The following APOB variants were observed in gnomAD, a reference collection of about 807,000 sequenced individuals.
APOB encodes apolipoprotein B, also known as apolipoprotein B-100.
Under a neutral mutation model 314.1 loss-of-function variants are expected in APOB, and 153 were observed. The observed-to-expected ratio is 0.49, with a 90% CI of 0.43 to 0.56. The LOEUF is 0.56. APOB is among the 20% of genes least tolerant of loss of function. The probability of loss-of-function intolerance (pLI) is 0.00; values close to 1 mark genes in which losing one functional copy is unlikely to be tolerated. For synonymous variants in APOB, 2,087 were observed against 2,036.4 expected, an observed-to-expected ratio of 1.02 and a Z score of -0.67; for missense variants, 5,430 against 5,350.7, an observed-to-expected ratio of 1.01 and a Z score of -0.46.
rs1468878402 is a variant in APOB, at chr2:21,006,415, T to C, written c.10453A>G (p.Ser3485Gly). ...GAVDHKLSLESLTSYFSIESS... is the reference protein window; with the variant it reads ...GAVDHKLSLEGLTSYFSIESS... ...TCAATGGAAAAGTAAGAGGTGAGGC[T>C]TTCCAAGCTAAGCTTGTGGTCAACT... The change falls in exon 26 of 29, where the codon AGC becomes GGC. Residue 3485 changes from serine (S) to glycine (G), a missense_variant. Ser to Gly is a moderately conservative substitution (Grantham distance 56, BLOSUM62 0). This residue lies in a region of APOB where 3,281 missense variants were observed against 3,171.0 expected (regional missense o/e 1.03). Transcript: ENST00000233242. The C allele has an allele frequency of 6.2e-7, 1 of 1,613,940 alleles. No homozygotes were observed. The highest frequency in any genetic ancestry group is 8.5e-7 in the Non-Finnish European group (1 of 1,179,982).
intron 14 of APOB, among the ~76,000 whole-genome samples, chr2:21,027,387 C>T (rs1038853317): frequency 1.4e-5 from 2 of 144,948 alleles, no homozygotes; most frequent in African/African-American, 5.1e-5. Context: ...TCTCTCGGCT[C>T]ACTGCAAGCT....
intron 18 of APOB, 41 bp from the exon 19 acceptor site, chr2:21,019,946 G>T: frequency 6.3e-7 from 1 of 1,595,982 alleles, no homozygotes. Context: ...GCCAAGTCAT[G>T]AATCAAAATG....
Position 21,008,448 on chromosome 2 carries a change from T to C in APOB, c.8420A>G (p.Asp2807Gly). The change falls in exon 26 of 29, where the codon GAT becomes GGT. Residue 2807 changes from aspartate (D) to glycine (G), a missense_variant. Asp to Gly is a moderately conservative substitution (Grantham distance 94). Around this residue, in one of 3 missense-constraint regions of APOB, gnomAD observed 3,281 missense variants for 3,171.0 expected, o/e 1.03. Coordinates refer to ENST00000233242, the MANE Select transcript of APOB (RefSeq NM_000384.3). ...GESKLEVLNF[D>G]FQANAQLSNP... The stretch of plus-strand genomic sequence containing the variant: ...TGAGAGTTGTGCATTTGCTTGAAAA[T>C]CAAAATTGAGAACTTCTAATTTGGA... 1 of 1,614,114 alleles carries C rather than the reference T, an allele frequency of 6.2e-7. No individual in the cohort carries two copies.
rs200281277 is a variant in APOB at position 21,016,570 on chromosome 2, C to T, written c.3201G>A (p.Pro1067=). 3.0e-5 allele frequency: 48 copies of T among 1,611,300 alleles called. No individual in the cohort carries two copies. The East Asian group carries it at 7.4e-4, about 25-fold the overall frequency. Residue 1067 remains proline, a synonymous_variant, in exon 21 of 29, where the codon CCG becomes CCA. Transcript: ENST00000233242. ...SMTLSSEVQI[P]DFDVDLGTIL... ...TTGTTCCGAGGTCAACATCAAAATC[C>T]GGAATTTGGACTTCACTGGACAAGG...
Position 21,019,717 on chromosome 2 carries a change from T to A in APOB, c.2999+6A>T, listed in dbSNP as rs1334236104. The A allele has an allele frequency of 1.2e-6, 2 of 1,613,976 alleles. No individual in the cohort carries two copies. Among genetic ancestry groups the A allele is most frequent in the Admixed American group, 3.3e-5 (2 of 60,016 alleles). Reference sequence around the variant, plus strand: ...AATGCTGGGTCAGGCACTGAGCATCTCTAACCTGGTGTCCCCGGTCAGCGG... The same window carrying A: ...AATGCTGGGTCAGGCACTGAGCATCACTAACCTGGTGTCCCCGGTCAGCGG... On this transcript the variant is annotated splice_donor_region_variant and intron_variant, in intron 19 of 28. Coordinates refer to ENST00000233242, the MANE Select transcript of APOB (RefSeq NM_000384.3).
rs1662974869 is a variant in APOB, at chr2:21,001,470, C to T, written c.*260G>A. ...GACTCCATTTATTTGTTCCTCCTCCCCCAAGTTTAGCAAAATAACTCAGAT... is the reference window on the plus strand; with the variant it reads ...GACTCCATTTATTTGTTCCTCCTCCTCCAAGTTTAGCAAAATAACTCAGAT... On this transcript the variant is annotated 3_prime_UTR_variant, in exon 29 of 29. Coordinates refer to ENST00000233242, the MANE Select transcript of APOB (RefSeq NM_000384.3). 1 of 451,534 alleles carries T rather than the reference C, an allele frequency of 2.2e-6. No individual in the cohort carries two copies. Among genetic ancestry groups the T allele is most frequent in the East Asian group, 4.2e-5 (1 of 24,046 alleles). The allele number at this position is 451,534 out of a possible 1,614,324, so 28.0% of individuals were successfully genotyped here. A position where few individuals can be genotyped will look rare whatever the true frequency, so the allele number is the denominator to read the frequency against.
At position 21,038,030 on chromosome 2, in the gene APOB, G is replaced by A. The variant is rs1195121842; in HGVS notation, c.465C>T (p.Asn155=). Residue 155 remains asparagine (N), a synonymous_variant, in exon 5 of 29, where the codon AAC becomes AAT. Transcript: ENST00000233242. ...GGGCAGAAATGATGCCCCTCTTGAT[G>A]TTCAGGATGTAAGTAGGTTCATCTT... ...PEKDEPTYIL[N]IKRGIISALL... 1 of 1,614,100 alleles carries A rather than the reference G, an allele frequency of 6.2e-7. No homozygotes were observed. Among genetic ancestry groups the A allele is most frequent in the African/African-American group, 1.3e-5 (1 of 74,926 alleles).
At position 21,013,159 on chromosome 2, in the gene APOB, C is replaced by T. The variant is rs1174253373; in HGVS notation, c.4216+1G>A. ...GCACCCTTTACCTGAGCATAGCTCA[C>T]CTTGCACATTGTAGGAAAGCAGGTC... On this transcript the variant is annotated splice_donor_variant, in intron 25 of 28. Transcript: ENST00000233242. LOFTEE classifies it high-confidence loss of function. 1 of 1,613,666 alleles carries T rather than the reference C, an allele frequency of 6.2e-7. No homozygotes were observed. Among genetic ancestry groups the T allele is most frequent in the Non-Finnish European group, 8.5e-7 (1 of 1,179,940 alleles).
chr2:21,013,243 G>T lies in APOB; in HGVS notation c.4133C>A (p.Thr1378Asn), dbSNP rs566501266. The T allele has an allele frequency of 6.2e-7, 1 of 1,614,200 alleles. No homozygotes were observed. The highest frequency in any genetic ancestry group is 1.3e-5 in the African/African-American group (1 of 75,056). The change falls in exon 25 of 29, where the codon ACC (threonine) becomes AAC (asparagine). Residue 1378 changes from threonine (T) to asparagine (N), a missense_variant. Around this residue, in one of 3 missense-constraint regions of APOB, gnomAD observed 2,085 missense variants for 2,079.7 expected, o/e 1.00. Coordinates refer to ENST00000233242, the MANE Select transcript of APOB (RefSeq NM_000384.3). ...NWSASYSGGNTSTDHFSLRAR... is the reference protein window; with the variant it reads ...NWSASYSGGNNSTDHFSLRAR... ...CCGAAGGCTGAAATGGTCTGTGCTG[G>T]TGTTGCCACCACTGTAGGAGGCGGA...
rs1307411368 is a variant in APOB, at chr2:21,007,572, T to C, written c.9296A>G (p.Asn3099Ser). ...GTTGTTTCCAGCAGAGAAATTTTGG[T>C]TGTACTTATACTGATTGAACCTAGC... is the stretch of plus-strand genomic sequence containing the variant. ...VSARFNQYKY[N>S]QNFSAGNNEN... The change falls in exon 26 of 29, where the codon AAC (asparagine) becomes AGC (serine). Residue 3099 changes from asparagine to serine, a missense_variant. By Grantham distance (46) the Asn-to-Ser change is conservative (BLOSUM62 1). Transcript: ENST00000233242. 5 of 1,613,986 alleles carry C rather than the reference T, an allele frequency of 3.1e-6. No individual in the cohort carries two copies. In the East Asian group the frequency reaches 1.1e-4, roughly 36 times the overall value.
chr2:21,008,675 A>G lies in APOB; in HGVS notation c.8193T>C (p.Phe2731=). 6.2e-7 allele frequency: 1 copy of G among 1,614,122 alleles called. No homozygotes were observed. Among genetic ancestry groups the G allele is most frequent in the African/African-American group, 1.3e-5 (1 of 75,024 alleles). ...FIIPTLNLND[F]QVPDLHIPEF... is the part of the protein sequence containing the mutation. ...CTGGTATGTGAAGGTCAGGAACTTG[A>G]AAATCATTAAGGTTGAGAGTTGGGA... is the stretch of plus-strand genomic sequence containing the variant. Residue 2731 remains phenylalanine (F), a synonymous_variant, in exon 26 of 29, where the codon TTT becomes TTC. Coordinates refer to ENST00000233242, the MANE Select transcript of APOB (RefSeq NM_000384.3).
intron 28 of APOB, 104 bp downstream of exon 28, chr2:21,004,165 C>T: frequency 7.9e-7 from 1 of 1,258,864 alleles, no homozygotes; most frequent in Non-Finnish European, 1.1e-6. Flanking sequence ...GCCTGTCTTT[C>T]ACCTAGTTTG....
At chr2:21,036,976 A>T in intron 6 of APOB, 124 bp downstream of exon 6, 1 of 1,219,574 alleles carries the variant, frequency 8.2e-7, no homozygotes, top group Non-Finnish European at 1.2e-6. Context: ...TCCTATCTCT[A>T]GTCTGTATAA....
chr2:21,007,647 T>G lies in APOB; in HGVS notation c.9221A>C (p.Tyr3074Ser), dbSNP rs372902533. 1 of 1,614,130 alleles carries G rather than the reference T, an allele frequency of 6.2e-7. No individual in the cohort carries two copies. Among genetic ancestry groups the G allele is most frequent in the South Asian group, 1.1e-5 (1 of 91,084 alleles). ...LTGKIDFLNNYALFLSPSAQQ... is the reference protein window; with the variant it reads ...LTGKIDFLNNSALFLSPSAQQ... ...GGCACTGGGACTCAGAAACAGTGCA[T>G]AGTTATTCAGGAAGTCTATCTTCCC... The change falls in exon 26 of 29, where the codon TAT (tyrosine) becomes TCT (serine). Residue 3074 changes from tyrosine (Y) to serine (S), a missense_variant. This residue lies in a region of APOB where 3,281 missense variants were observed against 3,171.0 expected (regional missense o/e 1.03). Transcript: ENST00000233242.
In APOB at chr2:21,008,080, T is replaced by C. The variant is rs1229278895; in HGVS notation, c.8788A>G (p.Lys2930Glu). 6.2e-7 allele frequency: 1 copy of C among 1,613,968 alleles called. No homozygotes were observed. The highest frequency in any genetic ancestry group is 8.5e-7 in the Non-Finnish European group (1 of 1,179,970). Reference sequence around the variant, plus strand: ...TCTGAGAATCTGGGGCAGGCCCATTTCCATGACCCTTTTCCAGAAGAAGTC... The same window carrying C: ...TCTGAGAATCTGGGGCAGGCCCATTCCCATGACCCTTTTCCAGAAGAAGTC... ...AWTSSGKGSW[K>E]WACPRFSDEG... The change falls in exon 26 of 29, where the codon AAA (lysine) becomes GAA (glutamate). Residue 2930 changes from lysine (K) to glutamate (E), a missense_variant. By Grantham distance (56) the Lys-to-Glu change is moderately conservative (BLOSUM62 1). This residue lies in a region of APOB where 3,281 missense variants were observed against 3,171.0 expected (regional missense o/e 1.03). Coordinates refer to ENST00000233242, the MANE Select transcript of APOB (RefSeq NM_000384.3).
At position 21,009,416 on chromosome 2, in the gene APOB, T is replaced by C; in HGVS notation, c.7452A>G (p.Leu2484=). The C allele has an allele frequency of 1.2e-6, 2 of 1,614,118 alleles. No homozygotes were observed. Among genetic ancestry groups the C allele is most frequent in the East Asian group, 2.2e-5 (1 of 44,872 alleles). The change falls in exon 26 of 29, where the codon CTA becomes CTG. Residue 2484 remains leucine, a synonymous_variant. Transcript: ENST00000233242. Reference sequence around the variant, plus strand: ...TGATTAAGGTTATTTTGGTGTCCTGTAGGCTTTCCAGATACACTGCAACTG... The same window carrying C: ...TGATTAAGGTTATTTTGGTGTCCTGCAGGCTTTCCAGATACACTGCAACTG... ...KATVAVYLES[L]QDTKITLIIN... is the part of the protein sequence containing the mutation.
At chr2:21,028,573 T>C in intron 12 of APOB, 35 bp from the exon 13 acceptor site, 1 of 1,472,684 alleles carries the variant, frequency 6.8e-7, no homozygotes, top group South Asian at 1.1e-5. Flanking sequence ...ATCACTGTCC[T>C]GTGGTCAGAA....
intron 4 of APOB, 122 bp from the exon 5 acceptor site, chr2:21,038,233 A>G (rs754645625): frequency 1.9e-6 from 2 of 1,048,218 alleles, no homozygotes; most frequent in Non-Finnish European, 2.9e-6. Context: ...TTCTGACATC[A>G]TTTATTTGTA....
rs373945806 is a variant in APOB, at chr2:21,002,612, C to T, written c.12810G>A (p.Arg4270=). The T allele has an allele frequency of 6.2e-7, 1 of 1,614,008 alleles. No homozygotes were observed. Among genetic ancestry groups the T allele is most frequent in the Non-Finnish European group, 8.5e-7 (1 of 1,179,968 alleles). ...HKLIDVISMY[R]ELLKDLSKEA... is the part of the protein sequence containing the mutation. ...CTTTTGATAAATCTTTCAACAGTTCCCTATACATCGAGATTACATCTATTA... is the reference window on the plus strand; with the variant it reads ...CTTTTGATAAATCTTTCAACAGTTCTCTATACATCGAGATTACATCTATTA... Residue 4270 remains arginine, a synonymous_variant, in exon 29 of 29, where the codon AGG becomes AGA. Transcript: ENST00000233242.
Sources: gnomAD v4.1 joint callset for allele counts (sites outside exome capture counted in the v4.1 genomes callset) on GRCh38, gnomAD v4.1.1 for gene constraint, gnomAD v4.1.1 regional missense constraint, MANE v1.5 for transcripts, NCBI Gene and HGNC (gene_info 2026-07-23, HGNC 2026-07-21) for gene names.